CDH11: variants seen among roughly 807,000 people sequenced by gnomAD.
The protein encoded by CDH11 is cadherin 11, also known as cadherin-11.
A neutral mutation model predicts 67.8 loss-of-function variants in CDH11; 11 were observed. The observed-to-expected ratio is 0.16, with a 90% CI of 0.10 to 0.27. The LOEUF (loss-of-function observed/expected upper bound fraction) is 0.27, where lower values mean the gene tolerates loss of function less well. Among genes scored for constraint, CDH11 ranks in the 10% least tolerant of loss-of-function variants. CDH11 has a pLI of 1.00. For synonymous variants in CDH11, 419 were observed against 400.0 expected (o/e 1.05, Z -0.57); for missense variants, 847 against 1,031.2 (o/e 0.82, Z 2.45).
At chr16:64,970,045 GA>G (rs2071959059) in intron 11 of CDH11, among the ~76,000 whole-genome samples, 1 of 152,162 alleles carries the variant, frequency 6.6e-6, no homozygotes, top group African/African-American at 2.4e-5. Flanking sequence ...GTTTTAAAAT[GA>G]TGGGAATCAT....
At chr16:65,091,588 G>A (rs536129896) in intron 1 of CDH11, among the ~76,000 whole-genome samples, 39 of 139,348 alleles carry the variant, frequency 2.8e-4, no homozygotes, top group Non-Finnish European at 4.7e-4. Context: ...GTCTCACTCT[G>A]TGGCCCGGGC....
chr16:65,066,327 G>A (rs1297940913), intron 1 of CDH11, among the ~76,000 whole-genome samples: 5 of 152,094 alleles, frequency 3.3e-5, no homozygotes, highest in Non-Finnish European at 5.9e-5. Flanking sequence ...CATCATCTCC[G>A]CCAACCACTG....
intron 4 of CDH11, among the ~76,000 whole-genome samples, chr16:64,994,740 C>T (rs2072722373): frequency 6.6e-6 from 1 of 152,144 alleles, no homozygotes; most frequent in South Asian, 2.1e-4. Context: ...AAATAAAAGA[C>T]ATCGAAATAG....
intron 1 of CDH11, among the ~76,000 whole-genome samples, chr16:65,099,344 G>T (rs992109210): frequency 6.6e-6 from 1 of 152,112 alleles, no homozygotes; most frequent in Non-Finnish European, 1.5e-5. Context: ...GACCTATGTG[G>T]TACATGTTGT....
chr16:64,957,259 T>G (rs2071539708), intron 11 of CDH11, among the ~76,000 whole-genome samples: 1 of 152,106 alleles, frequency 6.6e-6, no homozygotes, highest in Admixed American at 6.5e-5. Context: ...ATCAGAGACA[T>G]TCTATCTTAT....
intron 1 of CDH11, among the ~76,000 whole-genome samples, chr16:65,120,548 T>C (rs573506697): frequency 1.4e-4 from 22 of 152,256 alleles, no homozygotes; most frequent in African/African-American, 5.1e-4. Context: ...GGGAAGACTT[T>C]AGTGAAATCT....
intron 2 of CDH11, among the ~76,000 whole-genome samples, chr16:65,050,867 T>C (rs140099682): frequency 6.6e-6 from 1 of 152,206 alleles, no homozygotes; most frequent in African/African-American, 2.4e-5. Flanking sequence ...AACTTTTGAC[T>C]CTGATTCATT....
rs543430047 is a variant in CDH11, at chr16:65,008,016, A to G, written c.-172-2975T>C. Among the ~76,000 whole-genome samples the G allele has an allele frequency of 7.9e-5, 12 of 152,368 alleles. No homozygotes were observed. The South Asian group carries it at 2.1e-3, about 26-fold the overall frequency. On this transcript the variant is annotated intron_variant, in intron 2 of 12. Coordinates refer to ENST00000268603, the MANE Select transcript of CDH11 (RefSeq NM_001797.4). ...TTGCCCATCTTGCACCATGCCAAGT[A>G]TTAAATGCTCATTCACAGAGTGATA...
upstream of CDH11, among the ~76,000 whole-genome samples, chr16:65,122,523 G>A (rs2075352612): frequency 6.6e-6 from 1 of 152,148 alleles, no homozygotes; most frequent in Non-Finnish European, 1.5e-5. Context: ...GATGGTGGTT[G>A]GGGGAAGGTA....
intron 1 of CDH11, among the ~76,000 whole-genome samples, chr16:65,055,413 T>C (rs139656649): frequency 4.1e-4 from 63 of 152,268 alleles, no homozygotes; most frequent in African/African-American, 1.5e-3. Context: ...GATTCAGCGG[T>C]ATTTGCCTTT....
chr16:65,089,713 A>G (rs550171017), intron 1 of CDH11, among the ~76,000 whole-genome samples: 11 of 152,310 alleles, frequency 7.2e-5, no homozygotes, highest in African/African-American at 2.4e-4. Flanking sequence ...TGCGTGTTAC[A>G]TATTAGAAGT....
intron 2 of CDH11, among the ~76,000 whole-genome samples, chr16:65,016,342 G>T (rs1291932141): frequency 6.6e-6 from 1 of 152,006 alleles, no homozygotes; most frequent in East Asian, 1.9e-4. Flanking sequence ...TAAGTTAAGG[G>T]TAAAAGAAAA....
intron 1 of CDH11, among the ~76,000 whole-genome samples, chr16:65,098,140 C>G (rs2074930653): frequency 6.6e-6 from 1 of 152,110 alleles, no homozygotes; most frequent in Non-Finnish European, 1.5e-5. Flanking sequence ...GGTAGGGCAG[C>G]AGCTGGAAGA....
intron 1 of CDH11, among the ~76,000 whole-genome samples, chr16:65,087,807 C>A (rs2074725955): frequency 1.3e-5 from 2 of 152,182 alleles, no homozygotes; most frequent in South Asian, 2.1e-4. Flanking sequence ...TCCTGTGACA[C>A]AGGCACATTT....
intron 3 of CDH11, among the ~76,000 whole-genome samples, chr16:64,999,586 C>T (rs113629244): frequency 4.6e-5 from 7 of 151,802 alleles, no homozygotes; most frequent in Non-Finnish European, 7.4e-5. Flanking sequence ...CAGGCTGGAG[C>T]GCAATGGCAT....
intron 2 of CDH11, among the ~76,000 whole-genome samples, chr16:65,037,828 A>G (rs1306936308): frequency 6.6e-6 from 1 of 152,074 alleles, no homozygotes; most frequent in Non-Finnish European, 1.5e-5. Context: ...ACAAAGAAGC[A>G]AAGAGAAACA....
chr16:65,102,406 A>G (rs1248508298), intron 1 of CDH11, among the ~76,000 whole-genome samples: 4 of 152,230 alleles, frequency 2.6e-5, no homozygotes, highest in Non-Finnish European at 5.9e-5. Context: ...CCTAAAAAAA[A>G]GTCACTTACC....
chr16:65,059,204 G>A (rs1304726299), intron 1 of CDH11, among the ~76,000 whole-genome samples: 3 of 152,166 alleles, frequency 2.0e-5, no homozygotes, highest in African/African-American at 7.2e-5. Context: ...GGGGACACCA[G>A]CTGTCCTCTG....
chr16:64,947,149 AT>A lies in CDH11; in HGVS notation c.*453del. 9.6e-7 allele frequency: 1 copy of A among 1,046,582 alleles called. No homozygotes were observed. The highest frequency in any genetic ancestry group is 1.2e-6 in the Non-Finnish European group (1 of 865,554). The allele number at this position is 1,046,582 out of a possible 1,614,324, so 64.8% of individuals were successfully genotyped here. On this transcript the variant is annotated 3_prime_UTR_variant, in exon 13 of 13. Coordinates refer to ENST00000268603, the MANE Select transcript of CDH11 (RefSeq NM_001797.4). ...TGGGTTTAAGCTGGCTGAATATTAT[AT>A]ATTTCAAGTTTAAAAATGCACTACA...
Sources: allele counts gnomAD v4.1 joint callset (sites outside exome capture counted in the v4.1 genomes callset), GRCh38; gene constraint gnomAD v4.1.1; transcripts MANE v1.5; gene names NCBI Gene and HGNC (gene_info 2026-07-23, HGNC 2026-07-21).